GNB4: variants seen among roughly 807,000 people sequenced by gnomAD.
The protein encoded by GNB4 is guanine nucleotide-binding protein subunit beta-4.
Under a neutral mutation model 45.2 loss-of-function variants are expected in GNB4, and 28 were observed. That is an observed-to-expected ratio of 0.62 (90% CI 0.46 to 0.85). The LOEUF is 0.85. Among genes scored for constraint, GNB4 ranks in the 40% least tolerant of loss-of-function variants. GNB4 has a pLI of 0.00. For missense variants in GNB4, 321 were observed against 425.4 expected (o/e 0.75, Z 2.16); for synonymous variants, 132 against 143.7 (o/e 0.92, Z 0.58).
At chr3:179,462,112 C>G in the GNB4 span, among the ~76,000 whole-genome samples, 1 of 152,158 alleles carries the variant, frequency 6.6e-6, no homozygotes, top group South Asian at 2.1e-4. Flanking sequence ...TGAAACTTGG[C>G]TCTTCCTAAT....
the GNB4 span, among the ~76,000 whole-genome samples, chr3:179,501,032 T>A: frequency 3.9e-5 from 6 of 152,310 alleles, no homozygotes; most frequent in East Asian, 1.2e-3. Context: ...GGGTGAAACC[T>A]TGGATGAAGT....
chr3:179,423,213 G>A (rs1415838825), intron 2 of GNB4, among the ~76,000 whole-genome samples: 2 of 152,156 alleles, frequency 1.3e-5, no homozygotes, highest in Non-Finnish European at 2.9e-5. Context: ...CCACGACATT[G>A]TGCTTGGGAT....
chr3:179,486,454 G>A, the GNB4 span, among the ~76,000 whole-genome samples: 2 of 152,140 alleles, frequency 1.3e-5, no homozygotes, highest in East Asian at 1.9e-4. Context: ...CCAATTTCTA[G>A]CTATTATCAT....
intron 5 of GNB4, 105 bp from the exon 6 acceptor site, chr3:179,415,152 G>C (rs1714760685): frequency 1.2e-6 from 1 of 822,658 alleles, no homozygotes; most frequent in South Asian, 4.7e-5. Context: ...ACACATCTAA[G>C]AAAGATAAGT....
At chr3:179,494,808 TGAG>T in the GNB4 span, among the ~76,000 whole-genome samples, 1 of 147,422 alleles carries the variant, frequency 6.8e-6, no homozygotes, top group Non-Finnish European at 1.5e-5. Context: ...CTCGGGAGGC[TGAG>T]GCAGGAGAAT....
At chr3:179,409,644 T>G (rs1254910381) in intron 8 of GNB4, among the ~76,000 whole-genome samples, 1 of 151,688 alleles carries the variant, frequency 6.6e-6, no homozygotes, top group Admixed American at 6.6e-5. Flanking sequence ...ACCCCTTCTC[T>G]ACTAAAAATT....
At position 179,401,271 on chromosome 3, in the gene GNB4, T is replaced by C. The variant is rs1472717004; in HGVS notation, c.965A>G (p.Asp322Gly). The change falls in exon 10 of 10, where the codon GAT becomes GGT. Residue 322 changes from aspartate to glycine, a missense_variant. By Grantham distance (94) the Asp-to-Gly change is moderately conservative (BLOSUM62 -1). Coordinates refer to ENST00000232564, the MANE Select transcript of GNB4 (RefSeq NM_021629.4). ...GCCTGTTGCCACAGCCATGCCATCA[T>C]CAGTTACACCTAAGCAGCTCACACG... is the stretch of plus-strand genomic sequence containing the variant. ...DNRVSCLGVT[D>G]DGMAVATGSW... The C allele has an allele frequency of 6.2e-7, 1 of 1,613,912 alleles. No homozygotes were observed.
chr3:179,443,458 G>C (rs976661133), intron 1 of GNB4, among the ~76,000 whole-genome samples: 2 of 152,002 alleles, frequency 1.3e-5, no homozygotes, highest in African/African-American at 4.8e-5. Flanking sequence ...AGAATCTTTT[G>C]AGCCTGGGAG....
the GNB4 span, among the ~76,000 whole-genome samples, chr3:179,524,894 A>T: frequency 2.0e-5 from 3 of 152,312 alleles, no homozygotes; most frequent in South Asian, 6.2e-4. Flanking sequence ...ATGAAACTGT[A>T]AGCTGGACCA....
chr3:179,420,455 CATAT>C (rs770638167), intron 3 of GNB4, among the ~76,000 whole-genome samples: 2 of 102,080 alleles, frequency 2.0e-5, no homozygotes, highest in Admixed American at 1.3e-4. Flanking sequence ...AATATATATA[CATAT>C]ATATATATAT....
chr3:179,495,717 A>G, the GNB4 span, among the ~76,000 whole-genome samples: 4 of 152,032 alleles, frequency 2.6e-5, no homozygotes, highest in Non-Finnish European at 4.4e-5. Flanking sequence ...GAAAGAGAGA[A>G]AAGTGACTCT....
intron 1 of GNB4, among the ~76,000 whole-genome samples, chr3:179,429,133 T>C (rs935526588): frequency 2.6e-5 from 4 of 152,340 alleles, no homozygotes; most frequent in African/African-American, 9.6e-5. Flanking sequence ...TGGCTGTTAC[T>C]TGGGCCATCT....
At chr3:179,470,510 G>GAAAGAAAAAAATATATATATATT in the GNB4 span, among the ~76,000 whole-genome samples, 1 of 148,294 alleles carries the variant, frequency 6.7e-6, no homozygotes, top group African/African-American at 2.5e-5. Context: ...AAGATATAGA[G>GAAAGAAAAAAATATATATATATT]AAAGAAAAAA....
chr3:179,512,113 T>G, the GNB4 span, among the ~76,000 whole-genome samples: 1 of 152,188 alleles, frequency 6.6e-6, no homozygotes, highest in Non-Finnish European at 1.5e-5. Context: ...AGCATGAACA[T>G]TACAGTGTTC....
chr3:179,510,268 T>C, the GNB4 span, among the ~76,000 whole-genome samples: 2 of 152,198 alleles, frequency 1.3e-5, no homozygotes, highest in Non-Finnish European at 2.9e-5. Flanking sequence ...TCACTTGTCT[T>C]GCCACTGTCA....
At position 179,413,792 on chromosome 3, in the gene GNB4, A is replaced by C; in HGVS notation, c.431-11T>G. 6.2e-7 allele frequency: 1 copy of C among 1,610,488 alleles called. No homozygotes were observed. The highest frequency in any genetic ancestry group is 8.5e-7 in the Non-Finnish European group (1 of 1,177,142). On this transcript the variant is annotated splice_polypyrimidine_tract_variant and intron_variant, in intron 6 of 9. Coordinates refer to ENST00000232564, the MANE Select transcript of GNB4 (RefSeq NM_021629.4). ...AGCAGGACAAGTACCCTACAGCATAAAGAGTAGCAAATTTTAGGTTATCAC... is the reference window on the plus strand; with the variant it reads ...AGCAGGACAAGTACCCTACAGCATACAGAGTAGCAAATTTTAGGTTATCAC...
intron 1 of GNB4, among the ~76,000 whole-genome samples, chr3:179,447,397 C>T (rs116441555): frequency 6.6e-6 from 1 of 150,564 alleles, no homozygotes; most frequent in Non-Finnish European, 1.5e-5. Context: ...GGGTCTCACT[C>T]TATTGCCCAG....
At chr3:179,485,597 G>A in the GNB4 span, among the ~76,000 whole-genome samples, 1 of 152,168 alleles carries the variant, frequency 6.6e-6, no homozygotes, top group Non-Finnish European at 1.5e-5. Flanking sequence ...ACTAGGTGGA[G>A]TGTATTTTTC....
chr3:179,401,344 T>C (rs771744456), intron 9 of GNB4, 25 bp from the exon 10 acceptor site: 16 of 1,554,102 alleles, frequency 1.0e-5, no homozygotes, highest in African/African-American at 4.1e-5. Flanking sequence ...CAGTAAAAAA[T>C]TGGCAATTGT....
Sources: gnomAD v4.1 joint callset for allele counts (sites outside exome capture counted in the v4.1 genomes callset) on GRCh38, gnomAD v4.1.1 for gene constraint, MANE v1.5 for transcripts, NCBI Gene and HGNC (gene_info 2026-07-23, HGNC 2026-07-21) for gene names.